The following RIT2 variants were observed in gnomAD, a reference collection of about 807,000 sequenced individuals.
The protein encoded by RIT2 is Ras like without CAAX 2.
RIT2 carries 24 observed loss-of-function variants against 23.7 expected under a neutral mutation model. The observed-to-expected ratio is 1.01, with a 90% confidence interval of 0.73 to 1.43. The LOEUF is 1.43. RIT2 is among the 40% of genes most tolerant of loss of function. The probability of loss-of-function intolerance (pLI) is 0.00; values close to 1 mark genes in which losing one functional copy is unlikely to be tolerated. For missense variants in RIT2, 236 were observed against 266.9 expected (o/e 0.88, Z 0.81); for synonymous variants, 107 against 91.1 (o/e 1.17, Z -0.99).
At chr18:43,102,941 A>G (rs978380653) in intron 1 of RIT2, among the ~76,000 whole-genome samples, 2 of 152,136 alleles carry the variant, frequency 1.3e-5, no homozygotes, top group Non-Finnish European at 2.9e-5. Flanking sequence ...GACGTGAGCC[A>G]CTGCGCCCGG....
chr18:42,810,660 CCCTA>C (rs1905826162), intron 4 of RIT2, among the ~76,000 whole-genome samples: 1 of 151,876 alleles, frequency 6.6e-6, no homozygotes, highest in Non-Finnish European at 1.5e-5. Flanking sequence ...TTTCAAAAAC[CCCTA>C]CCTATGACGT....
At chr18:42,966,984 G>A (rs969578655) in intron 3 of RIT2, among the ~76,000 whole-genome samples, 2 of 151,890 alleles carry the variant, frequency 1.3e-5, no homozygotes, top group Non-Finnish European at 2.9e-5. Context: ...GATACCAAAT[G>A]GAATGCAATA....
intron 2 of RIT2, among the ~76,000 whole-genome samples, chr18:43,027,141 A>T (rs568691385): frequency 4.7e-4 from 71 of 152,252 alleles, no homozygotes; most frequent in African/African-American, 1.6e-3. Flanking sequence ...TAAAGAGTCA[A>T]GGTATCCCTA....
At chr18:42,956,793 G>A (rs1208370005) in intron 3 of RIT2, among the ~76,000 whole-genome samples, 1 of 152,146 alleles carries the variant, frequency 6.6e-6, no homozygotes, top group Non-Finnish European at 1.5e-5. Flanking sequence ...GCAATAGGCA[G>A]TGTGAGGCAG....
intron 4 of RIT2, among the ~76,000 whole-genome samples, chr18:42,870,972 ACT>A (rs1907608681): frequency 1.3e-5 from 2 of 152,110 alleles, no homozygotes; most frequent in East Asian, 3.9e-4. Flanking sequence ...AACAGAAACA[ACT>A]CTGTTATTAT....
intron 2 of RIT2, among the ~76,000 whole-genome samples, chr18:43,004,193 G>T (rs1231599967): frequency 6.6e-6 from 1 of 151,808 alleles, no homozygotes; most frequent in East Asian, 2.0e-4. Flanking sequence ...GCCTCTGAGA[G>T]TGGGGACCCT....
At chr18:42,881,734 T>C (rs1351920493) in intron 4 of RIT2, among the ~76,000 whole-genome samples, 1 of 152,246 alleles carries the variant, frequency 6.6e-6, no homozygotes, top group Non-Finnish European at 1.5e-5. Context: ...GCCCCTCTTC[T>C]GTGCTTCCTA....
chr18:43,047,936 G>A (rs1348370839), intron 1 of RIT2, among the ~76,000 whole-genome samples: 1 of 152,154 alleles, frequency 6.6e-6, no homozygotes, highest in African/African-American at 2.4e-5. Context: ...GGTCAAAGAG[G>A]AGGGCAGCCT....
intron 4 of RIT2, among the ~76,000 whole-genome samples, chr18:42,843,918 T>C (rs753406648): frequency 4.6e-5 from 7 of 152,118 alleles, no homozygotes; most frequent in Non-Finnish European, 8.8e-5. Context: ...AACATTTGAG[T>C]AAGAGAAAAT....
At chr18:42,963,037 A>G (rs1403821455) in intron 3 of RIT2, among the ~76,000 whole-genome samples, 1 of 152,082 alleles carries the variant, frequency 6.6e-6, no homozygotes, top group East Asian at 1.9e-4. Flanking sequence ...TTACCTATCC[A>G]TGTTGCAAGG....
intron 4 of RIT2, among the ~76,000 whole-genome samples, chr18:42,875,320 TTCTC>T (rs957208185): frequency 7.9e-5 from 12 of 151,632 alleles, no homozygotes; most frequent in East Asian, 1.9e-4. Context: ...GTTGCCTTCT[TTCTC>T]TCTCTCTTTT....
intron 4 of RIT2, among the ~76,000 whole-genome samples, chr18:42,788,109 ATTACAAT>A (rs1402061787): frequency 2.0e-5 from 3 of 152,150 alleles, no homozygotes; most frequent in South Asian, 4.1e-4. Context: ...GAAAAAAGTA[ATTACAAT>A]TTGCAAACAA....
chr18:42,999,117 T>G (rs916043019), intron 2 of RIT2, among the ~76,000 whole-genome samples: 7 of 152,044 alleles, frequency 4.6e-5, no homozygotes, highest in African/African-American at 1.7e-4. Context: ...AATTTACAAC[T>G]AAAGAGACAA....
chr18:42,789,488 G>A (rs1423680765), intron 4 of RIT2, among the ~76,000 whole-genome samples: 1 of 152,134 alleles, frequency 6.6e-6, no homozygotes, highest in African/African-American at 2.4e-5. Context: ...TCATTTGTTT[G>A]TGTTATCTAC....
chr18:43,079,026 A>G (rs1272330384), intron 1 of RIT2, among the ~76,000 whole-genome samples: 2 of 152,224 alleles, frequency 1.3e-5, no homozygotes, highest in Non-Finnish European at 2.9e-5. Context: ...TTGAATACTT[A>G]GCACTTTTTT....
intron 2 of RIT2, among the ~76,000 whole-genome samples, chr18:42,997,103 A>C (rs554134259): frequency 4.0e-4 from 61 of 152,250 alleles, no homozygotes; most frequent in South Asian, 1.5e-3. Flanking sequence ...AGAGCAAAAG[A>C]CAAGGACACA....
chr18:42,908,735 G>A lies in RIT2; in HGVS notation c.426+14837C>T, dbSNP rs78831371. On this transcript the variant is annotated intron_variant, in intron 4 of 4. Coordinates refer to ENST00000326695, the MANE Select transcript of RIT2 (RefSeq NM_002930.4). Reference sequence around the variant, plus strand: ...ATTCTCAGTTGAAGGGAAATTGAGAGAATTTGTTGCTAGCAGATTTATCAT... The same window carrying A: ...ATTCTCAGTTGAAGGGAAATTGAGAAAATTTGTTGCTAGCAGATTTATCAT... Among the ~76,000 whole-genome samples, 108 of 152,200 alleles carry A rather than the reference G, an allele frequency of 7.1e-4. 1 individual carries two copies. Among genetic ancestry groups the A allele is most frequent in the Non-Finnish European group, 9.0e-4 (61 of 68,010 alleles).
At chr18:42,903,145 A>T (rs1908521663) in intron 4 of RIT2, among the ~76,000 whole-genome samples, 1 of 152,100 alleles carries the variant, frequency 6.6e-6, no homozygotes, top group South Asian at 2.1e-4. Flanking sequence ...ATTATGAGAA[A>T]AAAATGGACA....
chr18:42,833,015 C>T (rs893669786), intron 4 of RIT2, among the ~76,000 whole-genome samples: 7 of 141,610 alleles, frequency 4.9e-5, no homozygotes, highest in African/African-American at 1.9e-4. Context: ...GATCCTACCA[C>T]TGCACTCCAG....
Sources: allele counts gnomAD v4.1 joint callset (sites outside exome capture counted in the v4.1 genomes callset), GRCh38; gene constraint gnomAD v4.1.1; transcripts MANE v1.5; gene names NCBI Gene and HGNC (gene_info 2026-07-23, HGNC 2026-07-21).